BRAF: variants seen among roughly 807,000 people sequenced by gnomAD.
BRAF encodes the protein serine/threonine-protein kinase B-raf.
In BRAF, 16 loss-of-function variants were observed where a neutral mutation model predicts 104.6. The ratio of observed to expected loss-of-function variants is 0.15; its 90% confidence interval spans 0.10 to 0.23. The LOEUF (loss-of-function observed/expected upper bound fraction) is 0.23, where lower values mean the gene tolerates loss of function less well. Ranked by LOEUF, BRAF falls within the 10% of genes least tolerant of loss-of-function variation. BRAF has a pLI of 1.00. For missense variants in BRAF, 541 were observed against 937.3 expected (o/e 0.58, Z 5.52); for synonymous variants, 310 against 341.6 (o/e 0.91, Z 1.02).
chr7:140,739,787 T>C lies in BRAF; in HGVS notation c.2247+25A>G, dbSNP rs1464528462. On this transcript the variant is annotated intron_variant, in intron 18 of 19. Coordinates refer to ENST00000644969, the MANE Select transcript of BRAF (RefSeq NM_001374258.1). Reference sequence around the variant, plus strand: ...GTCTATGAATGTTAGTCTGTTCTTTTGGATAGCATGAAGCTTTTACTTACT... The same window carrying C: ...GTCTATGAATGTTAGTCTGTTCTTTCGGATAGCATGAAGCTTTTACTTACT... 3.7e-6 allele frequency: 6 copies of C among 1,611,414 alleles called. No individual in the cohort carries two copies. In the East Asian group the frequency reaches 1.1e-4, roughly 30 times the overall value.
At chr7:140,757,787 A>T (rs1337577109) in intron 14 of BRAF, among the ~76,000 whole-genome samples, 2 of 152,336 alleles carry the variant, frequency 1.3e-5, no homozygotes, top group East Asian at 1.9e-4. Flanking sequence ...AATTCCTCAC[A>T]TAAGTTACTT....
intron 3 of BRAF, among the ~76,000 whole-genome samples, chr7:140,817,599 T>C (rs1805010984): frequency 6.6e-6 from 1 of 152,186 alleles, no homozygotes; most frequent in African/African-American, 2.4e-5. Context: ...AACAGACATA[T>C]AGACCAATGG....
intron 8 of BRAF, among the ~76,000 whole-genome samples, chr7:140,793,663 T>C (rs1364324761): frequency 6.6e-6 from 1 of 152,210 alleles, no homozygotes; most frequent in Non-Finnish European, 1.5e-5. Context: ...TCTCACTCTG[T>C]TGCTCAGGCT....
At chr7:140,884,526 G>C (rs374080646) in intron 1 of BRAF, among the ~76,000 whole-genome samples, 1 of 150,576 alleles carries the variant, frequency 6.6e-6, no homozygotes, top group African/African-American at 2.4e-5. Flanking sequence ...CTGTAGCCCA[G>C]GCAGGAATGT....
intron 19 of BRAF, chr7:140,732,981 C>T (rs1796098312): frequency 6.6e-6 from 1 of 152,102 alleles, no homozygotes; most frequent in Non-Finnish European, 1.5e-5. Context: ...AAATCATATA[C>T]TTAGATATTT....
At chr7:140,771,498 T>C (rs1799844912) in intron 14 of BRAF, among the ~76,000 whole-genome samples, 1 of 152,172 alleles carries the variant, frequency 6.6e-6, no homozygotes, top group African/African-American at 2.4e-5. Context: ...CCAGACTAAC[T>C]TTTCTAATTA....
intron 3 of BRAF, among the ~76,000 whole-genome samples, chr7:140,818,775 T>G (rs951844134): frequency 1.3e-5 from 2 of 152,232 alleles, no homozygotes; most frequent in Non-Finnish European, 2.9e-5. Context: ...TTTAGTGATG[T>G]AAAAGACCAC....
chr7:140,819,468 C>A (rs1805239378), intron 3 of BRAF, among the ~76,000 whole-genome samples: 1 of 152,132 alleles, frequency 6.6e-6, no homozygotes, highest in Non-Finnish European at 1.5e-5. Flanking sequence ...AACATTCTGC[C>A]AGTCTCTTAA....
At chr7:140,810,524 C>T (rs1248170277) in intron 3 of BRAF, among the ~76,000 whole-genome samples, 1 of 152,110 alleles carries the variant, frequency 6.6e-6, no homozygotes, top group African/African-American at 2.4e-5. Context: ...AAGCCAAAAT[C>T]GTACCACTGC....
intron 1 of BRAF, among the ~76,000 whole-genome samples, chr7:140,916,766 G>A (rs1395601365): frequency 6.6e-6 from 1 of 152,106 alleles, no homozygotes; most frequent in African/African-American, 2.4e-5. Context: ...TTAAGTATTT[G>A]GGGGTAGAAG....
At chr7:140,820,115 T>C (rs1805317970) in intron 3 of BRAF, among the ~76,000 whole-genome samples, 1 of 152,170 alleles carries the variant, frequency 6.6e-6, no homozygotes, top group Non-Finnish European at 1.5e-5. Context: ...TGTCATATAA[T>C]ACAAACAACT....
chr7:140,774,466 T>C (rs1042181849), intron 14 of BRAF, among the ~76,000 whole-genome samples: 2 of 152,214 alleles, frequency 1.3e-5, no homozygotes, highest in Non-Finnish European at 2.9e-5. Flanking sequence ...CTTGTCTTAA[T>C]CCACCCACCT....
At chr7:140,900,186 A>G (rs1055702420) in intron 1 of BRAF, among the ~76,000 whole-genome samples, 5 of 152,258 alleles carry the variant, frequency 3.3e-5, no homozygotes, top group Admixed American at 6.5e-5. Context: ...AGTGTGTGTT[A>G]TAAGTATCTT....
At chr7:140,750,750 A>C (rs929172342) in intron 16 of BRAF, among the ~76,000 whole-genome samples, 1 of 152,078 alleles carries the variant, frequency 6.6e-6, no homozygotes, top group Non-Finnish European at 1.5e-5. Flanking sequence ...TCAAAGCCTG[A>C]CCAATTTTTG....
At chr7:140,865,049 G>T (rs1306344546) in intron 1 of BRAF, among the ~76,000 whole-genome samples, 2 of 151,870 alleles carry the variant, frequency 1.3e-5, no homozygotes, top group African/African-American at 4.8e-5. Context: ...AGTGGGAGCT[G>T]TGAGAGGTTT....
chr7:140,820,669 G>A (rs1487991352), intron 3 of BRAF, among the ~76,000 whole-genome samples: 2 of 152,180 alleles, frequency 1.3e-5, no homozygotes, highest in Admixed American at 6.5e-5. Flanking sequence ...GCCAGGTGCA[G>A]TGGTTCATGC....
At chr7:140,727,899 G>C (rs62487900) in intron 19 of BRAF, among the ~76,000 whole-genome samples, 9,419 of 152,196 alleles carry the variant, frequency 0.062, 312 homozygotes, top group South Asian at 0.12. Context: ...GGGATTACAC[G>C]CATGAGCCAC....
intron 1 of BRAF, among the ~76,000 whole-genome samples, chr7:140,886,573 T>C (rs1813586786): frequency 1.3e-5 from 2 of 152,208 alleles, no homozygotes; most frequent in Admixed American, 1.3e-4. Flanking sequence ...ATGCTATTCC[T>C]TCTTCCTGGA....
At chr7:140,744,078 G>C (rs564226825) in intron 17 of BRAF, among the ~76,000 whole-genome samples, 95 of 152,308 alleles carry the variant, frequency 6.2e-4, no homozygotes, top group Non-Finnish European at 1.1e-3. Context: ...CTAAGTCCTT[G>C]AAATGTCCTG....
Sources: gnomAD v4.1 joint callset for allele counts (sites outside exome capture counted in the v4.1 genomes callset) on GRCh38, gnomAD v4.1.1 for gene constraint, MANE v1.5 for transcripts, NCBI Gene and HGNC (gene_info 2026-07-23, HGNC 2026-07-21) for gene names.